KIF7: variants seen among roughly 807,000 people sequenced by gnomAD.
The protein encoded by KIF7 is kinesin family member 7.
KIF7 carries 104 observed loss-of-function variants against 135.7 expected under a neutral mutation model. The ratio of observed to expected loss-of-function variants is 0.77; its 90% CI spans 0.65 to 0.90. The LOEUF (loss-of-function observed/expected upper bound fraction) is 0.90, where lower values mean the gene tolerates loss of function less well. Among genes scored for constraint, KIF7 ranks in the 40% least tolerant of loss-of-function variants. The probability of loss-of-function intolerance (pLI) is 0.00; values close to 1 mark genes in which losing one functional copy is unlikely to be tolerated. For synonymous variants in KIF7, 883 were observed against 809.4 expected (o/e 1.09, Z -1.54); for missense variants, 2,005 against 1,839.1 (o/e 1.09, Z -1.65).
Position 89,642,366 on chromosome 15 carries a change from CGCTGGCTGT to C in KIF7, c.2222_2230del (p.His741_Gln743del). On this transcript the variant is annotated inframe_deletion, in exon 11 of 19. Coordinates refer to ENST00000394412, the MANE Select transcript of KIF7 (RefSeq NM_198525.3). ...TGCCTCCTGCTCCAGCTCCCGGATA[CGCTGGCTGT>C]GCTGGCGGTTCAGGGCCTGAGCTGC... 1 of 1,609,344 alleles carries C rather than the reference CGCTGGCTGT, an allele frequency of 6.2e-7. No individual in the cohort carries two copies. Among genetic ancestry groups the C allele is most frequent in the East Asian group, 2.2e-5 (1 of 44,702 alleles).
At chr15:89,625,644 G>A (rs770022537), downstream of KIF7, 12 of 1,613,472 alleles carry the variant, frequency 7.4e-6, no homozygotes, top group Non-Finnish European at 1.0e-5. Flanking sequence ...GAGTCCTGTT[G>A]GCCAAGGAAG....
chr15:89,624,930 A>G, downstream of KIF7: 1 of 1,614,078 alleles, frequency 6.2e-7, no homozygotes, highest in Non-Finnish European at 8.5e-7. Flanking sequence ...CGGCACAACT[A>G]GACAACCTGC....
At chr15:89,660,112 C>G (rs1025089089), upstream of KIF7, among the ~76,000 whole-genome samples, 1 of 152,170 alleles carries the variant, frequency 6.6e-6, no homozygotes, top group Admixed American at 6.5e-5. Context: ...GCAGGAAAAT[C>G]GCTTCAACCT....
chr15:89,624,081 C>T (rs138024656), downstream of KIF7: 2,561 of 1,614,008 alleles, frequency 1.6e-3, 32 homozygotes, highest in African/African-American at 0.026. Context: ...CAGCAGCCTT[C>T]ATGGGCACGC....
rs1378919609 is a variant in KIF7, at chr15:89,628,329, T to A, written c.*90A>T. On this transcript the variant is annotated 3_prime_UTR_variant, in exon 19 of 19. Coordinates refer to ENST00000394412, the MANE Select transcript of KIF7 (RefSeq NM_198525.3). ...GAGGGCCTGGATTTAGGGTGTGCGG[T>A]AAGGACTGCCCTTCACAGAAGCAAA... 6.7e-7 allele frequency: 1 copy of A among 1,493,390 alleles called. No individual in the cohort carries two copies. The highest frequency in any genetic ancestry group is 1.4e-5 in the African/African-American group (1 of 71,214). The allele number at this position is 1,493,390 out of a possible 1,614,324, so 92.5% of individuals were successfully genotyped here.
intron 11 of KIF7, among the ~76,000 whole-genome samples, chr15:89,635,110 G>A (rs1963777323): frequency 6.6e-6 from 1 of 151,752 alleles, no homozygotes; most frequent in Admixed American, 6.6e-5. Flanking sequence ...ACCTGCAGCT[G>A]AGGGTCCTGT....
At chr15:89,618,083 T>C in exon 2 of KIF7, 1 of 1,468,996 alleles carries the variant, frequency 6.8e-7, no homozygotes, top group Non-Finnish European at 9.5e-7. Context: ...AGTGAGAAGC[T>C]GCCTGTCTCC....
At chr15:89,629,608 A>AT in intron 16 of KIF7, 35 bp from the exon 17 acceptor site, 1 of 1,600,314 alleles carries the variant, frequency 6.2e-7, no homozygotes, top group South Asian at 1.1e-5. Context: ...AGCCCTCATC[A>AT]TGACCCCTCT....
At chr15:89,619,328 C>T (rs534817348) in intron 1 of KIF7, among the ~76,000 whole-genome samples, 156 of 149,498 alleles carry the variant, frequency 1.0e-3, no homozygotes, top group African/African-American at 3.6e-3. Flanking sequence ...CAGGTTCAAG[C>T]GATTCTCCTG....
upstream of KIF7, among the ~76,000 whole-genome samples, chr15:89,657,431 ATGG>A (rs1239485964): frequency 6.6e-6 from 1 of 152,132 alleles, no homozygotes; most frequent in African/African-American, 2.4e-5. Flanking sequence ...GAATTTCATG[ATGG>A]TGGAACTATC....
At position 89,628,525 on chromosome 15, in the gene KIF7, A is replaced by G. The variant is rs1963585648; in HGVS notation, c.3926T>C (p.Val1309Ala). 1 of 1,612,996 alleles carries G rather than the reference A, an allele frequency of 6.2e-7. No homozygotes were observed. The highest frequency in any genetic ancestry group is 8.5e-7 in the Non-Finnish European group (1 of 1,179,934). ...GTTCCAGGGCAGGCCTGCCTCACCCACAGGAAGCACCCGCCCCACCAGGGG... is the reference window on the plus strand; with the variant it reads ...GTTCCAGGGCAGGCCTGCCTCACCCGCAGGAAGCACCCGCCCCACCAGGGG... The part of the protein sequence containing the change: ...AEPLVGRVLP[V>A]GEAGLPWNFG... Residue 1309 changes from valine to alanine, a missense_variant, in exon 19 of 19, where the codon GTG becomes GCG. Physicochemically the swap from Val to Ala is moderately conservative, Grantham distance 64 (BLOSUM62 0). Transcript: ENST00000394412.
chr15:89,625,473 G>C (rs1213776765), downstream of KIF7: 1 of 1,613,938 alleles, frequency 6.2e-7, no homozygotes, highest in South Asian at 1.1e-5. Flanking sequence ...CAGAGGGCAA[G>C]GACCACGGCC....
At position 89,630,404 on chromosome 15, in the gene KIF7, C is replaced by T. The variant is rs201342316; in HGVS notation, c.3201G>A (p.Gln1067=). The change falls in exon 16 of 19, where the codon CAG becomes CAA. Residue 1067 remains glutamine, a synonymous_variant. Transcript: ENST00000394412. ...ACGAGGCTGAGGCCCGAAGCACCCG[C>T]TGGCGGCATGTGATGGCCTCATTCT... is the stretch of plus-strand genomic sequence containing the variant. ...EYKNEAITCR[Q]RVLRASASLL... 278 of 1,611,760 alleles carry T rather than the reference C, an allele frequency of 1.7e-4. No individual in the cohort carries two copies. Among genetic ancestry groups the T allele is most frequent in the Non-Finnish European group, 2.1e-4 (253 of 1,179,038 alleles).
In KIF7 at chr15:89,649,072, G is replaced by A. The variant is rs1412504203; in HGVS notation, c.825C>T (p.Ile275=). The change falls in exon 4 of 19, where the codon ATC becomes ATT. Residue 275 remains isoleucine (I), a synonymous_variant. Coordinates refer to ENST00000394412, the MANE Select transcript of KIF7 (RefSeq NM_198525.3). ...TGCCCAGCGCCAGGAGGCTGCTGTT[G>A]ATCTGGATGCTCTCCTTGAGCCGCT... ...TGERLKESIQ[I]NSSLLALGNV... 6.5e-7 allele frequency: 1 copy of A among 1,547,972 alleles called. No homozygotes were observed.
At chr15:89,621,647 G>A in intron 1 of KIF7, 2 of 1,039,318 alleles carry the variant, frequency 1.9e-6, no homozygotes, top group Non-Finnish European at 2.8e-6. Context: ...GAAAGCAGGT[G>A]ACCTCTAGAT....
At chr15:89,619,762 A>G (rs1269213100) in intron 1 of KIF7, 7 of 1,614,064 alleles carry the variant, frequency 4.3e-6, no homozygotes, top group Non-Finnish European at 5.9e-6. Flanking sequence ...AGCAGGACAC[A>G]TTCTGCCTCC....
At chr15:89,654,906 A>T (rs565653957) in intron 1 of KIF7, among the ~76,000 whole-genome samples, 1 of 152,322 alleles carries the variant, frequency 6.6e-6, no homozygotes, top group South Asian at 2.1e-4. Context: ...CTGCCTCGCA[A>T]TACCGTGTGG....
rs1192120835 is a variant in KIF7, at chr15:89,648,741, C to T, written c.957G>A (p.Lys319=). The change falls in exon 5 of 19, where the codon AAG becomes AAA. Residue 319 remains lysine (K), a synonymous_variant. Transcript: ENST00000394412. ...GGCTGACGCAGGCGATCATCACCGTCTTGGCGTTCCCGCCCAGCGAGTCTT... is the reference window on the plus strand; with the variant it reads ...GGCTGACGCAGGCGATCATCACCGTTTTGGCGTTCCCGCCCAGCGAGTCTT... ...ILKDSLGGNA[K]TVMIACVSPS... is the part of the protein sequence containing the mutation. 2.6e-6 allele frequency: 4 copies of T among 1,535,934 alleles called. No individual in the cohort carries two copies. The highest frequency in any genetic ancestry group is 3.5e-6 in the Non-Finnish European group (4 of 1,146,294).
At chr15:89,625,980 G>A (rs113430765), downstream of KIF7, 10 of 1,605,714 alleles carry the variant, frequency 6.2e-6, no homozygotes, top group African/African-American at 4.0e-5. Context: ...CTGCCTCTCT[G>A]CCAGTGCCCT....
Sources: gnomAD v4.1 joint callset for allele counts (sites outside exome capture counted in the v4.1 genomes callset) on GRCh38, gnomAD v4.1.1 for gene constraint, MANE v1.5 for transcripts, NCBI Gene and HGNC (gene_info 2026-07-23, HGNC 2026-07-21) for gene names.